Variants in CTNNA3 observed in about 807,000 individuals in gnomAD.
CTNNA3 encodes catenin alpha 3, also known as catenin alpha-3.
Under a neutral mutation model 95.7 loss-of-function variants are expected in CTNNA3, and 76 were observed. That is an observed-to-expected ratio of 0.79 (90% confidence interval 0.66 to 0.96). The LOEUF is 0.96. Among genes scored for constraint, CTNNA3 ranks in the 40% least tolerant of loss-of-function variants. The pLI is 0.00. For missense variants in CTNNA3, 1,191 were observed against 1,089.8 expected (o/e 1.09, Z -1.31); for synonymous variants, 431 against 374.4 (o/e 1.15, Z -1.74).
chr10:66,737,293 T>C (rs1479838123), intron 9 of CTNNA3, among the ~76,000 whole-genome samples: 1 of 152,208 alleles, frequency 6.6e-6, no homozygotes, highest in East Asian at 1.9e-4. Context: ...ATTTATTCTC[T>C]GGGAATTTTT....
At chr10:66,724,408 G>A (rs1464087205) in intron 9 of CTNNA3, among the ~76,000 whole-genome samples, 1 of 152,100 alleles carries the variant, frequency 6.6e-6, no homozygotes, top group Admixed American at 6.6e-5. Flanking sequence ...CAGGGAATAC[G>A]CCATTAATCT....
intron 7 of CTNNA3, among the ~76,000 whole-genome samples, chr10:66,877,847 A>T (rs1844683878): frequency 6.6e-6 from 1 of 152,284 alleles, no homozygotes; most frequent in South Asian, 2.1e-4. Context: ...TCTAACCCAG[A>T]GACAAGGAAA....
intron 14 of CTNNA3, among the ~76,000 whole-genome samples, chr10:66,096,111 A>G (rs1271183730): frequency 6.6e-6 from 1 of 152,174 alleles, no homozygotes; most frequent in Non-Finnish European, 1.5e-5. Flanking sequence ...TTAATGTTCT[A>G]TTCATTAAAC....
At chr10:67,052,864 C>T (rs961618836) in intron 7 of CTNNA3, among the ~76,000 whole-genome samples, 1 of 152,004 alleles carries the variant, frequency 6.6e-6, no homozygotes, top group African/African-American at 2.4e-5. Context: ...TTATATTAGT[C>T]CTAAATGTAA....
intron 7 of CTNNA3, among the ~76,000 whole-genome samples, chr10:67,011,005 T>C (rs1357613386): frequency 6.6e-6 from 1 of 152,106 alleles, no homozygotes; most frequent in African/African-American, 2.4e-5. Context: ...AATCTCATAT[T>C]ATTAAACTGA....
chr10:66,120,338 A>C (rs1390990896), intron 13 of CTNNA3, among the ~76,000 whole-genome samples: 1 of 152,210 alleles, frequency 6.6e-6, no homozygotes, highest in Non-Finnish European at 1.5e-5. Context: ...ATAAATGCTC[A>C]GTAAATATTA....
Position 66,387,350 on chromosome 10 carries a change from G to A in CTNNA3, c.1532-7998C>T, listed in dbSNP as rs147494522. On this transcript the variant is annotated intron_variant, in intron 11 of 17. Transcript: ENST00000433211. ...TCAACAGACACATGAAAAAATGCTC[G>A]TCATTACTGGTCATCAGAGAACTGC... 7.7e-3 allele frequency among the ~76,000 whole-genome samples: 1,172 copies of A among 152,150 alleles called. 7 individuals carry two copies. Among genetic ancestry groups the A allele is most frequent in the South Asian group, 0.013 (64 of 4,810 alleles).
At position 66,288,233 on chromosome 10, in the gene CTNNA3, G is replaced by C. The variant is rs151129710; in HGVS notation, c.1733-7612C>G. ...AAAAAGATTCACATTAAGGATAAAG[G>C]AATAAGAAGACTTGTTATATACAAG... On this transcript the variant is annotated intron_variant, in intron 12 of 17. Coordinates refer to ENST00000433211, the MANE Select transcript of CTNNA3 (RefSeq NM_013266.4). Among the ~76,000 whole-genome samples the C allele has an allele frequency of 9.3e-4, 142 of 152,100 alleles. 2 individuals are homozygous for C. In the East Asian group the frequency reaches 0.023, roughly 25 times the overall value.
chr10:66,179,014 C>G (rs895088640), intron 13 of CTNNA3, among the ~76,000 whole-genome samples: 11 of 151,924 alleles, frequency 7.2e-5, no homozygotes, highest in Non-Finnish European at 4.4e-5. Context: ...AAAAACTAAC[C>G]ATGCAACTAT....
intron 13 of CTNNA3, among the ~76,000 whole-genome samples, chr10:66,128,693 A>G (rs1189833799): frequency 1.3e-5 from 2 of 152,190 alleles, no homozygotes; most frequent in Non-Finnish European, 2.9e-5. Flanking sequence ...CAGTTAAACT[A>G]CTTTCATTAC....
In CTNNA3 at chr10:67,609,441, T is replaced by A. The variant is rs1484018386; in HGVS notation, c.100-2392A>T. On this transcript the variant is annotated intron_variant, in intron 2 of 17. Coordinates refer to ENST00000433211, the MANE Select transcript of CTNNA3 (RefSeq NM_013266.4). ...CTTGGATATCTGGACCCAGTTTTTA[T>A]CCATGAACTAAAAAAAAAACTTAAG... is the stretch of plus-strand genomic sequence containing the variant. Among the ~76,000 whole-genome samples, 3 of 151,628 alleles carry A rather than the reference T, an allele frequency of 2.0e-5. No individual in the cohort carries two copies. In the East Asian group the frequency reaches 5.8e-4, roughly 29 times the overall value.
chr10:66,576,866 C>T (rs11816867), intron 10 of CTNNA3, among the ~76,000 whole-genome samples: 43,653 of 150,980 alleles, frequency 0.29, 6,704 homozygotes, highest in Middle Eastern at 0.42. Context: ...AATTGTTGGG[C>T]CAAATGATAG....
intron 5 of CTNNA3, among the ~76,000 whole-genome samples, chr10:67,424,427 C>T (rs549305889): frequency 2.0e-5 from 3 of 152,022 alleles, no homozygotes; most frequent in South Asian, 2.1e-4. Flanking sequence ...TGAGTTTTTG[C>T]TTTTCCTACC....
At chr10:67,122,989 C>T (rs1031305703) in intron 7 of CTNNA3, among the ~76,000 whole-genome samples, 6 of 152,064 alleles carry the variant, frequency 3.9e-5, no homozygotes, top group African/African-American at 1.4e-4. Context: ...AATAGGGCTG[C>T]AGCAGTATCA....
chr10:67,711,158 C>A (rs568534663), intron 1 of CTNNA3, among the ~76,000 whole-genome samples: 4 of 152,266 alleles, frequency 2.6e-5, no homozygotes, highest in African/African-American at 9.6e-5. Context: ...CTTTCTTTTG[C>A]AAATTGCCCA....
chr10:66,456,143 A>G (rs1261520373), intron 11 of CTNNA3, among the ~76,000 whole-genome samples: 2 of 152,158 alleles, frequency 1.3e-5, no homozygotes, highest in African/African-American at 4.8e-5. Context: ...TTGAAATTCC[A>G]AACAAAATCC....
intron 5 of CTNNA3, among the ~76,000 whole-genome samples, chr10:67,324,731 G>C (rs1841472438): frequency 1.3e-5 from 2 of 150,892 alleles, no homozygotes; most frequent in Non-Finnish European, 2.9e-5. Context: ...CCAGATTTTG[G>C]TATCAGGATG....
chr10:66,540,297 T>G (rs1201209242), intron 10 of CTNNA3, among the ~76,000 whole-genome samples: 1 of 152,146 alleles, frequency 6.6e-6, no homozygotes, highest in Non-Finnish European at 1.5e-5. Context: ...TCACTTGAAA[T>G]ACAGGCAATT....
intron 13 of CTNNA3, among the ~76,000 whole-genome samples, chr10:66,148,335 A>C (rs2084004702): frequency 6.6e-6 from 1 of 152,124 alleles, no homozygotes; most frequent in Non-Finnish European, 1.5e-5. Context: ...ATGTTGCACA[A>C]ATAGTATCTA....
Sources: allele counts gnomAD v4.1 joint callset (sites outside exome capture counted in the v4.1 genomes callset), GRCh38; gene constraint gnomAD v4.1.1; transcripts MANE v1.5; gene names NCBI Gene and HGNC (gene_info 2026-07-23, HGNC 2026-07-21).